RNF216: variants seen among roughly 807,000 people sequenced by gnomAD.
RNF216 encodes the protein E3 ubiquitin-protein ligase RNF216.
In RNF216, 72 loss-of-function variants were observed where a neutral mutation model predicts 110.8. The ratio of observed to expected loss-of-function variants is 0.65; its 90% CI spans 0.54 to 0.79. The LOEUF (loss-of-function observed/expected upper bound fraction) is 0.79. RNF216 is among the 30% of genes least tolerant of loss of function. The pLI, the probability that RNF216 is intolerant of heterozygous loss-of-function variation, is 0.00. For synonymous variants in RNF216, 495 were observed against 407.5 expected (o/e 1.21, Z -2.59); for missense variants, 1,342 against 1,141.2 (o/e 1.18, Z -2.54).
chr7:5,677,452 A>T (rs1790374258), intron 13 of RNF216, among the ~76,000 whole-genome samples: 1 of 152,258 alleles, frequency 6.6e-6, no homozygotes, highest in African/African-American at 2.4e-5. Context: ...GAAAACAAAA[A>T]GGAAAACTAG....
chr7:5,639,980 C>T (rs910852278), intron 15 of RNF216, among the ~76,000 whole-genome samples: 193 of 151,134 alleles, frequency 1.3e-3, no homozygotes, highest in African/African-American at 4.1e-3. Context: ...AGGATGGTCT[C>T]GATCTCCTGA....
rs912948890 is a variant in RNF216, at chr7:5,769,497, C to T, written c.-69-8359G>A. 8.6e-5 allele frequency among the ~76,000 whole-genome samples: 13 copies of T among 150,976 alleles called. No individual in the cohort carries two copies. The East Asian group carries it at 1.8e-3, about 21-fold the overall frequency. ...CAGCACTTTGGGAGTCTGAGGTGGGCGGACTGCTTGAGCTCAGGAGTTCAA... is the reference window on the plus strand; with the variant it reads ...CAGCACTTTGGGAGTCTGAGGTGGGTGGACTGCTTGAGCTCAGGAGTTCAA... On this transcript the variant is annotated intron_variant, in intron 1 of 16. Coordinates refer to ENST00000389902, the MANE Select transcript of RNF216 (RefSeq NM_207111.4).
chr7:5,695,512 A>C (rs530980625), intron 13 of RNF216, among the ~76,000 whole-genome samples: 2 of 152,292 alleles, frequency 1.3e-5, no homozygotes, highest in East Asian at 3.9e-4. Flanking sequence ...TACTGCTGAG[A>C]GTGCCTCTCC....
chr7:5,744,150 T>C (rs1232557167), intron 3 of RNF216, among the ~76,000 whole-genome samples: 1 of 152,068 alleles, frequency 6.6e-6, no homozygotes, highest in Non-Finnish European at 1.5e-5. Flanking sequence ...AAAGACTAGA[T>C]TGAGAACTGC....
chr7:5,730,614 C>A, intron 6 of RNF216, 101 bp downstream of exon 6: 1 of 1,559,196 alleles, frequency 6.4e-7, no homozygotes, highest in Non-Finnish European at 8.7e-7. Context: ...AAAACTTGTC[C>A]CAACAAAGCA....
At position 5,680,045 on chromosome 7, in the gene RNF216, C is replaced by T. The variant is rs1356419730; in HGVS notation, c.2062-27535G>A. On this transcript the variant is annotated intron_variant, in intron 13 of 16. Coordinates refer to ENST00000389902, the MANE Select transcript of RNF216 (RefSeq NM_207111.4). This position sits in a 1 kb window ranked among gnomAD's most constrained non-coding sequence, Gnocchi z 4.3. ...AATCATGTGACAAGCTAAATCTGAT[C>T]ATTTCACTACCCTGTTTAATGACCA... Among the ~76,000 whole-genome samples the T allele has an allele frequency of 6.6e-6, 1 of 152,172 alleles. No homozygotes were observed. Among genetic ancestry groups the T allele is most frequent in the Non-Finnish European group, 1.5e-5 (1 of 68,030 alleles).
At chr7:5,666,169 A>C (rs1181981461) in intron 13 of RNF216, among the ~76,000 whole-genome samples, 3 of 145,848 alleles carry the variant, frequency 2.1e-5, no homozygotes, top group Non-Finnish European at 4.4e-5. Context: ...CCGTCTCAAA[A>C]AAAAAAAAAA....
chr7:5,703,531 G>C (rs997920059), intron 13 of RNF216, among the ~76,000 whole-genome samples: 1 of 152,216 alleles, frequency 6.6e-6, no homozygotes, highest in Non-Finnish European at 1.5e-5. Context: ...TGTGAATTTT[G>C]GTTGTACTTC....
rs537921598 is a variant in RNF216 at position 5,632,170 on chromosome 7, C to T, written c.2383-8045G>A. On this transcript the variant is annotated intron_variant, in intron 15 of 16. Transcript: ENST00000389902. The stretch of plus-strand genomic sequence containing the variant: ...CCTGAACCTATTTGAGATCTGAGTT[C>T]CTGTTCATGCCATTTGCCCTGGCCA... Among the ~76,000 whole-genome samples, 8 of 152,336 alleles carry T rather than the reference C, an allele frequency of 5.3e-5. No individual in the cohort carries two copies. In the South Asian group the frequency reaches 1.5e-3, roughly 28 times the overall value.
intron 15 of RNF216, among the ~76,000 whole-genome samples, chr7:5,635,244 C>A (rs80019780): frequency 0.042 from 6,359 of 151,208 alleles, 179 homozygotes; most frequent in East Asian, 0.092. Context: ...AAACCGAGGT[C>A]AGTTTTGATG....
At chr7:5,772,424 T>C (rs1284820878) in intron 1 of RNF216, among the ~76,000 whole-genome samples, 3 of 152,118 alleles carry the variant, frequency 2.0e-5, no homozygotes, top group Non-Finnish European at 2.9e-5. Flanking sequence ...ACACAAGATT[T>C]AAATGTGCTT....
intron 13 of RNF216, among the ~76,000 whole-genome samples, chr7:5,658,638 CAG>C (rs1013420900): frequency 1.6e-5 from 2 of 123,362 alleles, no homozygotes; most frequent in Admixed American, 9.8e-5. Context: ...GTCTGGGTGA[CAG>C]AGAGAGACTG....
intron 10 of RNF216, among the ~76,000 whole-genome samples, chr7:5,716,371 A>AT (rs753194698): frequency 1.3e-4 from 19 of 151,988 alleles, no homozygotes; most frequent in African/African-American, 4.3e-4. Context: ...TTAGCTGGGC[A>AT]TTTTTTTTAC....
Position 5,721,213 on chromosome 7 carries a change from T to C in RNF216, c.1505-41A>G, listed in dbSNP as rs191479357. 10,537 of 1,599,366 alleles carry C rather than the reference T, an allele frequency of 6.6e-3. 66 individuals are homozygous for C. The highest frequency in any genetic ancestry group is 7.2e-3 in the Non-Finnish European group (8,379 of 1,169,942). On this transcript the variant is annotated intron_variant, in intron 8 of 16. Transcript: ENST00000389902. ...CAATGCAAAAGCATGCAGACAACTA[T>C]GTGTTAGGAACCTGGGCCAGCCATG...
chr7:5,704,556 CT>C, intron 13 of RNF216, among the ~76,000 whole-genome samples: 1 of 152,232 alleles, frequency 6.6e-6, no homozygotes, highest in East Asian at 1.9e-4. Flanking sequence ...CCCAAAAGAA[CT>C]GTGTCAATTC....
chr7:5,695,921 G>T (rs1455632856), intron 13 of RNF216, among the ~76,000 whole-genome samples: 1 of 152,214 alleles, frequency 6.6e-6, no homozygotes, highest in South Asian at 2.1e-4. Flanking sequence ...AGGTGCCACA[G>T]AAAACATGTT....
chr7:5,744,177 A>C (rs1034842983), intron 3 of RNF216, among the ~76,000 whole-genome samples: 2 of 152,236 alleles, frequency 1.3e-5, no homozygotes, highest in African/African-American at 4.8e-5. Context: ...GAAGAAGAAG[A>C]ATCGAACGCA....
chr7:5,655,359 A>T (rs1788671037), intron 13 of RNF216, among the ~76,000 whole-genome samples: 1 of 152,216 alleles, frequency 6.6e-6, no homozygotes, highest in African/African-American at 2.4e-5. Flanking sequence ...GCACTTTGGG[A>T]GGCCGAGGCG....
chr7:5,702,951 T>C (rs1480348387), intron 13 of RNF216, among the ~76,000 whole-genome samples: 1 of 152,218 alleles, frequency 6.6e-6, no homozygotes, highest in African/African-American at 2.4e-5. Context: ...GGGACCAATA[T>C]GAGCTGAGAG....
Sources: gnomAD v4.1 joint callset for allele counts (sites outside exome capture counted in the v4.1 genomes callset) on GRCh38, gnomAD v4.1.1 for gene constraint, Gnocchi (gnomAD v3.1) non-coding constraint, MANE v1.5 for transcripts, NCBI Gene and HGNC (gene_info 2026-07-23, HGNC 2026-07-21) for gene names.